Variants in NBEA observed in about 807,000 individuals in gnomAD.
NBEA encodes lysosomal-trafficking regulator 2.
NBEA carries 44 observed loss-of-function variants against 343.4 expected under a neutral mutation model. That is an observed-to-expected ratio of 0.13 (90% CI 0.10 to 0.16). The LOEUF (loss-of-function observed/expected upper bound fraction) is 0.16. Ranked by LOEUF, NBEA falls within the 10% of genes least tolerant of loss-of-function variation. The pLI is 1.00. For missense variants in NBEA, 2,555 were observed against 3,631.3 expected (o/e 0.70, Z 7.62); for synonymous variants, 1,175 against 1,238.7 (o/e 0.95, Z 1.08).
At chr13:34,957,648 CCTGT>C (rs1288588536) in intron 1 of NBEA, among the ~76,000 whole-genome samples, 3 of 151,984 alleles carry the variant, frequency 2.0e-5, no homozygotes, top group Non-Finnish European at 4.4e-5. Context: ...TTTCATACTA[CCTGT>C]CTATTTATAG....
chr13:35,050,389 A>G lies in NBEA; in HGVS notation c.966A>G (p.Pro322=), dbSNP rs2063022492. 6.2e-7 allele frequency: 1 copy of G among 1,607,590 alleles called. No individual in the cohort carries two copies. Among genetic ancestry groups the G allele is most frequent in the Non-Finnish European group, 8.5e-7 (1 of 1,177,252 alleles). The change falls in exon 6 of 59, where the codon CCA becomes CCG. Residue 322 remains proline, a synonymous_variant. Transcript: ENST00000379939. The part of the protein sequence containing the change: ...FQHCVKYDFQ[P]RKWYMISIVH... ...ATTGTGTGAAATATGATTTTCAACC[A>G]CGCAAGGTAGGTAAAAGTAAATATT...
chr13:35,083,974 A>G (rs2064578286), intron 10 of NBEA, among the ~76,000 whole-genome samples: 1 of 152,146 alleles, frequency 6.6e-6, no homozygotes, highest in African/African-American at 2.4e-5. Flanking sequence ...CAAAAGAGAC[A>G]AAGAAGGCCA....
At chr13:35,579,130 T>C (rs1341164729) in intron 45 of NBEA, among the ~76,000 whole-genome samples, 1 of 152,184 alleles carries the variant, frequency 6.6e-6, no homozygotes. Context: ...ATTACCATTT[T>C]CAGTTTTTTA....
At chr13:35,277,000 G>T in intron 34 of NBEA, among the ~76,000 whole-genome samples, 1 of 152,174 alleles carries the variant, frequency 6.6e-6, no homozygotes, top group East Asian at 1.9e-4. Flanking sequence ...CAGAGTAATG[G>T]AAAGCATGCA....
At chr13:35,417,681 G>A (rs1436077586) in intron 38 of NBEA, among the ~76,000 whole-genome samples, 1 of 152,166 alleles carries the variant, frequency 6.6e-6, no homozygotes, top group Non-Finnish European at 1.5e-5. Context: ...TGGAATAGGT[G>A]TGATGTGGTG....
intron 11 of NBEA, among the ~76,000 whole-genome samples, chr13:35,102,145 G>T (rs144673627): frequency 8.5e-4 from 129 of 151,534 alleles, no homozygotes; most frequent in African/African-American, 3.0e-3. Flanking sequence ...GAGGTATAAG[G>T]GTCAAGGTTC....
At chr13:35,193,542 TA>T (rs2072356620) in intron 30 of NBEA, among the ~76,000 whole-genome samples, 1 of 151,914 alleles carries the variant, frequency 6.6e-6, no homozygotes, top group African/African-American at 2.4e-5. Flanking sequence ...CCTTCTCATT[TA>T]TAGGGTTACT....
intron 10 of NBEA, among the ~76,000 whole-genome samples, chr13:35,081,113 G>A (rs1223779604): frequency 6.6e-6 from 1 of 152,132 alleles, no homozygotes; most frequent in Non-Finnish European, 1.5e-5. Flanking sequence ...CTTGCTGCTG[G>A]AAGGCCTAGA....
At chr13:34,981,039 G>A (rs1200065537) in intron 1 of NBEA, among the ~76,000 whole-genome samples, 3 of 151,832 alleles carry the variant, frequency 2.0e-5, no homozygotes, top group Admixed American at 1.3e-4. Flanking sequence ...TAACATTTCC[G>A]TTACTCTCCA....
At chr13:35,131,796 G>T (rs1344565049) in intron 17 of NBEA, among the ~76,000 whole-genome samples, 1 of 152,112 alleles carries the variant, frequency 6.6e-6, no homozygotes, top group African/African-American at 2.4e-5. Flanking sequence ...ACAAGTCTCA[G>T]TAAATTTAAA....
chr13:34,979,119 G>C (rs1453967871), intron 1 of NBEA, among the ~76,000 whole-genome samples: 1 of 152,156 alleles, frequency 6.6e-6, no homozygotes, highest in African/African-American at 2.4e-5. Flanking sequence ...CATATGGTCA[G>C]CTCTTTTAGA....
chr13:35,289,580 T>C (rs2035665931), intron 34 of NBEA, among the ~76,000 whole-genome samples: 2 of 151,870 alleles, frequency 1.3e-5, no homozygotes, highest in Admixed American at 1.3e-4. Context: ...CATCAATACA[T>C]ATAAGAATTA....
At chr13:35,118,319 A>G in intron 15 of NBEA, 29 bp downstream of exon 15, 1 of 1,563,382 alleles carries the variant, frequency 6.4e-7, no homozygotes, top group Non-Finnish European at 8.7e-7. Context: ...CTTTTATTTT[A>G]ATTATTTAAG....
At chr13:35,252,499 C>T (rs927761712) in intron 34 of NBEA, among the ~76,000 whole-genome samples, 2 of 152,182 alleles carry the variant, frequency 1.3e-5, no homozygotes, top group Non-Finnish European at 2.9e-5. Context: ...GAGCTCTGGC[C>T]TAGGCACTGG....
chr13:35,003,515 A>T (rs2061215913), intron 1 of NBEA, among the ~76,000 whole-genome samples: 2 of 152,192 alleles, frequency 1.3e-5, no homozygotes, highest in African/African-American at 4.8e-5. Flanking sequence ...CTGTCTCCCC[A>T]AAGATACTAG....
At chr13:35,144,960 A>G (rs896145268) in intron 18 of NBEA, among the ~76,000 whole-genome samples, 2 of 152,210 alleles carry the variant, frequency 1.3e-5, no homozygotes, top group Non-Finnish European at 2.9e-5. Context: ...CACAGTTGGT[A>G]GGTATCCTTT....
chr13:35,642,873 C>A (rs1358562917), intron 49 of NBEA, among the ~76,000 whole-genome samples: 4 of 151,244 alleles, frequency 2.6e-5, no homozygotes, highest in African/African-American at 9.7e-5. Flanking sequence ...GGGCAGGAAT[C>A]TTTATCTGTT....
At chr13:35,089,765 A>G (rs1397487040) in intron 10 of NBEA, among the ~76,000 whole-genome samples, 15 of 149,574 alleles carry the variant, frequency 1.0e-4, no homozygotes, top group African/African-American at 3.7e-4. Context: ...TTGTAGGGAC[A>G]TGGATGAAAT....
intron 18 of NBEA, among the ~76,000 whole-genome samples, chr13:35,146,971 T>TG (rs1356440266): frequency 6.6e-6 from 1 of 152,140 alleles, no homozygotes; most frequent in African/African-American, 2.4e-5. Context: ...AGCATCAGTA[T>TG]GGGGGTCAAT....
Sources: gnomAD v4.1 joint callset for allele counts (sites outside exome capture counted in the v4.1 genomes callset) on GRCh38, gnomAD v4.1.1 for gene constraint, MANE v1.5 for transcripts, NCBI Gene and HGNC (gene_info 2026-07-23, HGNC 2026-07-21) for gene names.